The following P2RX4 variants were observed in gnomAD, a reference collection of about 807,000 sequenced individuals.
P2RX4 encodes the protein P2X purinoceptor 4.
Under a neutral mutation model 48.0 loss-of-function variants are expected in P2RX4, and 37 were observed. That is an observed-to-expected ratio of 0.77 (90% confidence interval 0.59 to 1.01). The LOEUF is 1.01. P2RX4 is among the 50% of genes least tolerant of loss of function. The pLI, the probability that P2RX4 is intolerant of heterozygous loss-of-function variation, is 0.00. For missense variants in P2RX4, 501 were observed against 521.4 expected, an observed-to-expected ratio of 0.96 and a Z score of 0.38; for synonymous variants, 200 against 199.7, an observed-to-expected ratio of 1.00 and a Z score of -0.01.
At chr12:121,212,949 T>A (rs1032958042) in intron 1 of P2RX4, 4 of 150,214 alleles carry the variant, frequency 2.7e-5, no homozygotes, top group Non-Finnish European at 4.4e-5. Flanking sequence ...TTGCTGCTAG[T>A]GGGAGGATCA....
chr12:121,210,505 C>T lies in P2RX4; in HGVS notation c.134+207C>T, dbSNP rs983488660. Among the ~76,000 whole-genome samples the T allele has an allele frequency of 3.9e-5, 6 of 152,184 alleles. 1 individual carries two copies. Among genetic ancestry groups the T allele is most frequent in the Admixed American group, 2.6e-4 (4 of 15,284 alleles). ...TTTTAAAACCACAGCCTGGGCCAGG[C>T]GCGGTGGCGCAAGCCTGTAATCCGA... On this transcript the variant is annotated intron_variant, in intron 1 of 11. Transcript: ENST00000337233.
At chr12:121,228,374 A>AT (rs1171910490) in intron 5 of P2RX4, among the ~76,000 whole-genome samples, 159 bp from the exon 6 acceptor site, 2 of 123,744 alleles carry the variant, frequency 1.6e-5, no homozygotes, top group African/African-American at 3.0e-5. Context: ...TCTCAAAAAA[A>AT]AAAAAAAAAA....
At chr12:121,212,822 A>ATTTTTTTTTTTTTTTTT (rs1358375217) in intron 1 of P2RX4, 1 of 42,802 alleles carries the variant, frequency 2.3e-5, no homozygotes, top group African/African-American at 1.4e-4. Context: ...ATATATATAT[A>ATTTTTTTTTTTTTTTTT]TATTTTTTTT....
Position 121,233,512 on chromosome 12 carries a change from C to T in P2RX4, c.1141-11C>T, listed in dbSNP as rs1286141754. The T allele has an allele frequency of 6.2e-7, 1 of 1,606,070 alleles. No homozygotes were observed. Among genetic ancestry groups the T allele is most frequent in the African/African-American group, 1.3e-5 (1 of 74,780 alleles). ...AGGGGCACCTTGATCTGCTTGTGTCCTTCTTTGCAGGGTCTTGCTAGTGAG... is the reference window on the plus strand; with the variant it reads ...AGGGGCACCTTGATCTGCTTGTGTCTTTCTTTGCAGGGTCTTGCTAGTGAG... On this transcript the variant is annotated splice_polypyrimidine_tract_variant and intron_variant, in intron 11 of 11. Transcript: ENST00000337233.
chr12:121,228,742 A>G lies in P2RX4; in HGVS notation c.623A>G (p.Asn208Ser). 6.2e-7 allele frequency: 1 copy of G among 1,614,056 alleles called. No homozygotes were observed. The highest frequency in any genetic ancestry group is 2.2e-5 in the East Asian group (1 of 44,862). Residue 208 changes from asparagine (N) to serine (S), a missense_variant, in exon 7 of 12, where the codon AAC (asparagine) becomes AGC (serine). Coordinates refer to ENST00000337233, the MANE Select transcript of P2RX4 (RefSeq NM_002560.3). ...GACTTTAGGAGGAATATCCTTCCCA[A>G]CATCACCACTACTTACCTCAAGTCG... ...FNFSKRNILPNITTTYLKSCI... is the reference protein window; with the variant it reads ...FNFSKRNILPSITTTYLKSCI...
chr12:121,215,442 GTT>G (rs112097935), intron 1 of P2RX4: 60 of 137,132 alleles, frequency 4.4e-4, no homozygotes, highest in African/African-American at 1.5e-3. Flanking sequence ...CCTGTAGATG[GTT>G]TTTTTTTTTT....
chr12:121,230,751 T>C (rs891039119), intron 8 of P2RX4, among the ~76,000 whole-genome samples: 2 of 152,126 alleles, frequency 1.3e-5, no homozygotes, highest in African/African-American at 4.8e-5. Context: ...GCGTGGAAGT[T>C]GTGGGCCAGA....
At chr12:121,215,122 T>C (rs565443635) in intron 1 of P2RX4, 2 of 152,236 alleles carry the variant, frequency 1.3e-5, no homozygotes, top group East Asian at 1.9e-4. Context: ...TAGTCTCTAG[T>C]AGATGTTTAA....
chr12:121,224,330 C>T (rs1886844257), intron 5 of P2RX4, among the ~76,000 whole-genome samples: 1 of 152,074 alleles, frequency 6.6e-6, no homozygotes, highest in Non-Finnish European at 1.5e-5. Flanking sequence ...TTCATCCTGG[C>T]GCGGTGGCTC....
In P2RX4 at chr12:121,233,059, G is replaced by A. The variant is rs1593229783; in HGVS notation, c.1107G>A (p.Glu369=). ...TGAAGAAAAGACTCTACTATCGGGA[G>A]AAGAAATATAAATATGTGGAAGATT... is the stretch of plus-strand genomic sequence containing the variant. ...YCMKKRLYYR[E]KKYKYVEDYE... Residue 369 remains glutamate (E), a synonymous_variant, in exon 11 of 12, where the codon GAG becomes GAA. Coordinates refer to ENST00000337233, the MANE Select transcript of P2RX4 (RefSeq NM_002560.3). The A allele has an allele frequency of 6.2e-7, 1 of 1,613,342 alleles. No homozygotes were observed. Among genetic ancestry groups the A allele is most frequent in the Non-Finnish European group, 8.5e-7 (1 of 1,179,374 alleles).
chr12:121,214,179 G>A (rs1308386758), intron 1 of P2RX4: 1 of 152,088 alleles, frequency 6.6e-6, no homozygotes, highest in Non-Finnish European at 1.5e-5. Flanking sequence ...TTCAGCCTGG[G>A]CGACAGAGCG....
intron 8 of P2RX4, among the ~76,000 whole-genome samples, chr12:121,230,995 T>C (rs990719919): frequency 2.0e-5 from 3 of 146,600 alleles, no homozygotes; most frequent in South Asian, 4.3e-4. Context: ...TTTTTTTTTT[T>C]CTTCTTTTTT....
chr12:121,225,191 G>A (rs2136235181), intron 5 of P2RX4, among the ~76,000 whole-genome samples: 1 of 150,430 alleles, frequency 6.6e-6, no homozygotes, highest in East Asian at 2.0e-4. Flanking sequence ...TCCTGCCTCA[G>A]CCTCCTGAGT....
chr12:121,217,246 A>G lies in P2RX4; in HGVS notation c.247A>G (p.Ile83Val), dbSNP rs1886288658. The G allele has an allele frequency of 6.2e-7, 1 of 1,614,216 alleles. No homozygotes were observed. Among genetic ancestry groups the G allele is most frequent in the Non-Finnish European group, 8.5e-7 (1 of 1,180,044 alleles). The change falls in exon 2 of 12, where the codon ATC (isoleucine) becomes GTC (valine). Residue 83 changes from isoleucine (I) to valine (V), a missense_variant. Ile to Val is a conservative substitution (Grantham distance 29). Coordinates refer to ENST00000337233, the MANE Select transcript of P2RX4 (RefSeq NM_002560.3). ...VTNTSKLGFR[I>V]WDVADYVIPA... ...CAACACTTCTAAACTTGGATTCCGG[A>G]TCTGGGATGTGGCGGATTATGTGAT...
rs778188156 is a variant in P2RX4, at chr12:121,217,292, C to T, written c.282+11C>T. 7.4e-6 allele frequency: 12 copies of T among 1,613,446 alleles called. No homozygotes were observed. Among genetic ancestry groups the T allele is most frequent in the Non-Finnish European group, 9.3e-6 (11 of 1,179,470 alleles). On this transcript the variant is annotated intron_variant, in intron 2 of 11. Transcript: ENST00000337233. ...GTGATACCAGCTCAGGTGTGTCTCCCACTGTGTCTTCTGTCTAACACTGAC... is the reference window on the plus strand; with the variant it reads ...GTGATACCAGCTCAGGTGTGTCTCCTACTGTGTCTTCTGTCTAACACTGAC...
At chr12:121,233,412 C>G in intron 11 of P2RX4, 111 bp from the exon 12 acceptor site, 1 of 1,202,188 alleles carries the variant, frequency 8.3e-7, no homozygotes, top group Non-Finnish European at 1.2e-6. Flanking sequence ...GGTTCCAGGC[C>G]TGGGACCAAC....
At chr12:121,224,928 C>T (rs1453989784) in intron 5 of P2RX4, among the ~76,000 whole-genome samples, 2 of 152,148 alleles carry the variant, frequency 1.3e-5, no homozygotes, top group Non-Finnish European at 2.9e-5. Context: ...GGAATCCTAG[C>T]ATCTTAGAGC....
rs1887192786 is a variant in P2RX4, at chr12:121,229,212, C to T, written c.884+113C>T. 7.6e-7 allele frequency: 1 copy of T among 1,320,636 alleles called. No homozygotes were observed. The highest frequency in any genetic ancestry group is 1.7e-5 in the Admixed American group (1 of 57,226). The allele number at this position is 1,320,636 out of a possible 1,614,324, so 81.8% of individuals were successfully genotyped here. ...ACTCAGGCAGCACCCCAAGGGCAGG[C>T]TGCCGGTCCCCCGTCCAAGGCGGCG... On this transcript the variant is annotated intron_variant, in intron 8 of 11. Transcript: ENST00000337233. This position sits in a 1 kb window ranked among gnomAD's most constrained non-coding sequence, Gnocchi z 4.6.
intron 1 of P2RX4, 71 bp from the exon 2 acceptor site, chr12:121,217,063 C>A: frequency 1.3e-6 from 2 of 1,484,900 alleles, no homozygotes; most frequent in Non-Finnish European, 1.9e-6. Context: ...CACTGGCCAG[C>A]AGAAGCTTCC....
Sources: gnomAD v4.1 joint callset for allele counts (sites outside exome capture counted in the v4.1 genomes callset) on GRCh38, gnomAD v4.1.1 for gene constraint, Gnocchi (gnomAD v3.1) non-coding constraint, MANE v1.5 for transcripts, NCBI Gene and HGNC (gene_info 2026-07-23, HGNC 2026-07-21) for gene names.